The following KCNMA1 variants were observed in gnomAD, a reference collection of about 807,000 sequenced individuals.
KCNMA1 encodes the protein potassium calcium-activated channel subfamily M alpha 1, also known as Calcium-activated potassium channel subunit alpha-1.
KCNMA1 carries 29 observed loss-of-function variants against 140.0 expected under a neutral mutation model. The observed-to-expected ratio is 0.21, with a 90% CI of 0.15 to 0.28. The LOEUF is 0.28. KCNMA1 is among the 10% of genes least tolerant of loss of function. KCNMA1 has a pLI of 1.00. For missense variants in KCNMA1, 880 were observed against 1,602.2 expected (o/e 0.55, Z 7.70); for synonymous variants, 612 against 611.9 (o/e 1.00, Z 0.00).
intron 3 of KCNMA1, among the ~76,000 whole-genome samples, chr10:77,229,108 C>T (rs1328683260): frequency 6.6e-6 from 1 of 152,018 alleles, no homozygotes; most frequent in Non-Finnish European, 1.5e-5. Context: ...CTTGAAGGAA[C>T]TTGAGGAACA....
intron 1 of KCNMA1, among the ~76,000 whole-genome samples, chr10:77,550,642 G>C (rs530900255): frequency 6.6e-6 from 1 of 152,212 alleles, no homozygotes; most frequent in African/African-American, 2.4e-5. Flanking sequence ...AGGGAACCAG[G>C]CCGCGTCTGG....
At chr10:77,057,725 AT>A (rs1411816218) in intron 14 of KCNMA1, among the ~76,000 whole-genome samples, 16 of 151,884 alleles carry the variant, frequency 1.1e-4, no homozygotes, top group Non-Finnish European at 1.9e-4. Context: ...TGAGCAATCA[AT>A]TTTTTAAAAA....
intron 1 of KCNMA1, among the ~76,000 whole-genome samples, chr10:77,581,487 A>G (rs984619970): frequency 3.9e-5 from 6 of 152,180 alleles, no homozygotes; most frequent in Non-Finnish European, 7.4e-5. Flanking sequence ...TTGTATTTTT[A>G]GTAGAGATGG....
intron 5 of KCNMA1, among the ~76,000 whole-genome samples, chr10:77,122,340 A>T (rs1420782624): frequency 6.6e-6 from 1 of 152,130 alleles, no homozygotes; most frequent in African/African-American, 2.4e-5. Flanking sequence ...TTTTTTGAAA[A>T]CATTCTCCTT....
intron 6 of KCNMA1, among the ~76,000 whole-genome samples, chr10:77,112,741 C>G (rs1304481865): frequency 6.6e-6 from 1 of 152,164 alleles, no homozygotes; most frequent in African/African-American, 2.4e-5. Context: ...TTCATTTAGA[C>G]TGACCAATTA....
intron 2 of KCNMA1, among the ~76,000 whole-genome samples, chr10:77,258,895 G>A (rs181107597): frequency 2.0e-5 from 3 of 152,196 alleles, no homozygotes; most frequent in South Asian, 2.1e-4. Flanking sequence ...CCCAGGAAAC[G>A]GAGGTTTCAG....
intron 1 of KCNMA1, among the ~76,000 whole-genome samples, chr10:77,616,554 C>T (rs145925275): frequency 0.013 from 2,047 of 152,254 alleles, 14 homozygotes; most frequent in Middle Eastern, 0.041. Context: ...GCCTGTAATC[C>T]CAGCACTTTG....
At chr10:77,227,411 A>G (rs562945842) in intron 3 of KCNMA1, among the ~76,000 whole-genome samples, 3 of 152,328 alleles carry the variant, frequency 2.0e-5, no homozygotes, top group African/African-American at 7.2e-5. Context: ...AAATTATGAC[A>G]TCAATGCTAT....
intron 27 of KCNMA1, 113 bp from the exon 28 acceptor site, chr10:76,887,628 A>T: frequency 3.3e-6 from 4 of 1,214,068 alleles, no homozygotes; most frequent in Non-Finnish European, 3.6e-6. Flanking sequence ...AGGATCTGGA[A>T]GATGCACTCC....
intron 16 of KCNMA1, among the ~76,000 whole-genome samples, 195 bp downstream of exon 16, chr10:77,027,628 G>T (rs935703500): frequency 6.6e-6 from 1 of 152,208 alleles, no homozygotes; most frequent in Non-Finnish European, 1.5e-5. Flanking sequence ...GGCTTTGGGT[G>T]CCAGGCTGGT....
Position 76,959,274 on chromosome 10 carries a change from C to T in KCNMA1, c.2361-5350G>A, listed in dbSNP as rs73282594. Among the ~76,000 whole-genome samples the T allele has an allele frequency of 4.0e-3, 615 of 152,298 alleles. 5 individuals carry two copies. The highest frequency in any genetic ancestry group is 0.014 in the African/African-American group (593 of 41,566). ...TTTGAGCAGTCTGACTTATAGAGTC[C>T]ATCTCCAAATGGAGTGTTCAGGGGT... On this transcript the variant is annotated intron_variant, in intron 20 of 27. Coordinates refer to ENST00000286628, the MANE Select transcript of KCNMA1 (RefSeq NM_001161352.2).
At chr10:76,916,800 GT>G (rs2053115444) in intron 23 of KCNMA1, among the ~76,000 whole-genome samples, 1 of 152,170 alleles carries the variant, frequency 6.6e-6, no homozygotes, top group African/African-American at 2.4e-5. Context: ...ATTGCCTGTT[GT>G]TTTGGAGGTG....
rs1220435204 is a variant in KCNMA1 at position 77,376,965 on chromosome 10, A to ATACATACATACG, written c.540+26896_540+26897insCGTATGTATGTA. Among the ~76,000 whole-genome samples the ATACATACATACG allele has an allele frequency of 9.9e-5, 15 of 152,040 alleles. No homozygotes were observed. The East Asian group carries it at 2.1e-3, about 22-fold the overall frequency. On this transcript the variant is annotated intron_variant, in intron 2 of 27. Coordinates refer to ENST00000286628, the MANE Select transcript of KCNMA1 (RefSeq NM_001161352.2). Reference sequence around the variant, plus strand: ...AATAAATAAATACATACATACATACATACATACATACATACATACATAAAA... The same window carrying ATACATACATACG: ...AATAAATAAATACATACATACATACATACATACATACGTACATACATACATACATACATAAAA...
intron 2 of KCNMA1, chr10:77,354,674 T>TACTAGG (rs1296154454): frequency 6.6e-6 from 1 of 152,198 alleles, no homozygotes; most frequent in African/African-American, 2.4e-5. Context: ...ATTCGTCATA[T>TACTAGG]ACTAATAAAG....
At chr10:77,185,023 T>C in intron 3 of KCNMA1, 107 bp from the exon 4 acceptor site, 1 of 777,196 alleles carries the variant, frequency 1.3e-6, no homozygotes, top group Non-Finnish European at 2.3e-6. Flanking sequence ...ATGAAATGAA[T>C]ATTCATAAAA....
intron 18 of KCNMA1, chr10:77,008,227 G>T: frequency 1.3e-6 from 2 of 1,525,166 alleles, no homozygotes; most frequent in Non-Finnish European, 1.8e-6. Context: ...AGTAGGGGCC[G>T]TATTCCAAGG....
At chr10:77,627,713 C>T (rs532940011) in intron 1 of KCNMA1, among the ~76,000 whole-genome samples, 2 of 152,308 alleles carry the variant, frequency 1.3e-5, no homozygotes, top group East Asian at 3.9e-4. Context: ...TTCTGCATGT[C>T]CCAGACACAG....
At chr10:77,302,941 G>T (rs2076879862) in intron 2 of KCNMA1, among the ~76,000 whole-genome samples, 5 of 152,060 alleles carry the variant, frequency 3.3e-5, no homozygotes, top group Admixed American at 3.3e-4. Context: ...GTTTGCAGGG[G>T]GGGGTTTCAC....
At chr10:77,506,991 C>T (rs1269228679) in intron 1 of KCNMA1, among the ~76,000 whole-genome samples, 5 of 152,126 alleles carry the variant, frequency 3.3e-5, no homozygotes, top group South Asian at 4.1e-4. Flanking sequence ...CCCCTCCAGC[C>T]GCCCATGGCA....
Sources: allele counts gnomAD v4.1 joint callset (sites outside exome capture counted in the v4.1 genomes callset), GRCh38; gene constraint gnomAD v4.1.1; transcripts MANE v1.5; gene names NCBI Gene and HGNC (gene_info 2026-07-23, HGNC 2026-07-21).